Variants in NAALADL2 observed in about 807,000 individuals in gnomAD.
NAALADL2 encodes the protein inactive N-acetylated-alpha-linked acidic dipeptidase-like protein 2.
Under a neutral mutation model 87.2 loss-of-function variants are expected in NAALADL2, and 76 were observed. The ratio of observed to expected loss-of-function variants is 0.87; its 90% CI spans 0.72 to 1.05. The LOEUF (loss-of-function observed/expected upper bound fraction) is 1.05, where lower values mean the gene tolerates loss of function less well. NAALADL2 is among the 50% of genes least tolerant of loss of function. The pLI, the probability that NAALADL2 is intolerant of heterozygous loss-of-function variation, is 0.00. For synonymous variants in NAALADL2, 354 were observed against 331.0 expected, an observed-to-expected ratio of 1.07 and a Z score of -0.75; for missense variants, 1,089 against 945.8, an observed-to-expected ratio of 1.15 and a Z score of -1.99.
intron 1 of NAALADL2, among the ~76,000 whole-genome samples, chr3:174,981,732 T>A (rs1013116737): frequency 2.6e-5 from 4 of 152,174 alleles, no homozygotes; most frequent in Non-Finnish European, 5.9e-5. Context: ...TAAAAAGTTC[T>A]GAAATTAGGC....
chr3:174,820,033 C>A (rs1395337415), intron 3 of NAALADL2, among the ~76,000 whole-genome samples: 1 of 152,054 alleles, frequency 6.6e-6, no homozygotes, highest in Non-Finnish European at 1.5e-5. Context: ...GTTTGGAATG[C>A]ACTTAGTTTG....
intron 2 of NAALADL2, among the ~76,000 whole-genome samples, chr3:175,199,393 T>C (rs749346770): frequency 7.2e-5 from 11 of 152,134 alleles, no homozygotes; most frequent in Non-Finnish European, 1.2e-4. Flanking sequence ...CTGCTACTTC[T>C]TGATACCATG....
At chr3:175,010,462 T>C (rs574116728) in intron 1 of NAALADL2, among the ~76,000 whole-genome samples, 4 of 152,280 alleles carry the variant, frequency 2.6e-5, no homozygotes, top group Non-Finnish European at 5.9e-5. Context: ...ACCATCTTGC[T>C]TCTGTGTTAC....
chr3:174,667,776 T>C (rs1726114202), intron 2 of NAALADL2, among the ~76,000 whole-genome samples: 1 of 151,974 alleles, frequency 6.6e-6, no homozygotes, highest in African/African-American at 2.4e-5. Flanking sequence ...AAGGTTATAA[T>C]TGTATTTCTA....
intron 1 of NAALADL2, among the ~76,000 whole-genome samples, chr3:175,094,319 C>A (rs1473427099): frequency 6.6e-6 from 1 of 151,936 alleles, no homozygotes; most frequent in Non-Finnish European, 1.5e-5. Flanking sequence ...AAAAAATTGA[C>A]TGGTGCTAGG....
chr3:175,384,346 T>G (rs999486889), intron 5 of NAALADL2, among the ~76,000 whole-genome samples: 3 of 152,096 alleles, frequency 2.0e-5, no homozygotes, highest in African/African-American at 7.2e-5. Context: ...GACACAGATT[T>G]TGTATTCATT....
chr3:174,655,876 T>A (rs1181305094), intron 2 of NAALADL2, among the ~76,000 whole-genome samples: 1 of 152,188 alleles, frequency 6.6e-6, no homozygotes, highest in African/African-American at 2.4e-5. Context: ...ATCAGAACAT[T>A]GCCTATTATC....
At chr3:174,501,947 T>C (rs1358852382) in intron 1 of NAALADL2, among the ~76,000 whole-genome samples, 1 of 152,120 alleles carries the variant, frequency 6.6e-6, no homozygotes, top group Non-Finnish European at 1.5e-5. Context: ...TAATTTTCTG[T>C]TCTTTTTCTC....
At chr3:175,242,391 G>A (rs1192514705) in intron 3 of NAALADL2, 8 of 152,130 alleles carry the variant, frequency 5.3e-5, no homozygotes, top group African/African-American at 1.7e-4. Flanking sequence ...CCTCATTTCA[G>A]CAGATGCTGC....
intron 2 of NAALADL2, among the ~76,000 whole-genome samples, chr3:174,646,746 ATTTAT>A (rs560711659): frequency 5.3e-5 from 8 of 152,266 alleles, no homozygotes; most frequent in African/African-American, 1.7e-4. Flanking sequence ...GAAAGCAAAT[ATTTAT>A]TTTATAGATG....
intron 9 of NAALADL2, among the ~76,000 whole-genome samples, chr3:175,480,867 C>T (rs575946116): frequency 6.6e-6 from 1 of 151,970 alleles, no homozygotes; most frequent in African/African-American, 2.4e-5. Flanking sequence ...TAGAAAATAG[C>T]TCCTTGAGAA....
intron 10 of NAALADL2, among the ~76,000 whole-genome samples, chr3:175,603,823 C>T (rs1384451806): frequency 2.0e-5 from 3 of 151,596 alleles, no homozygotes; most frequent in African/African-American, 7.3e-5. Flanking sequence ...AAGACCCCAT[C>T]TATAAAAAAA....
chr3:174,949,356 C>A (rs928059743), intron 1 of NAALADL2, among the ~76,000 whole-genome samples: 17 of 152,260 alleles, frequency 1.1e-4, no homozygotes, highest in Admixed American at 9.8e-4. Flanking sequence ...CATAATATCA[C>A]TTCTGCCATG....
intron 10 of NAALADL2, among the ~76,000 whole-genome samples, chr3:175,599,685 C>A (rs1354388892): frequency 2.0e-5 from 3 of 152,070 alleles, no homozygotes; most frequent in Non-Finnish European, 4.4e-5. Context: ...TAAATACAAT[C>A]ATTTTCCAGT....
intron 1 of NAALADL2, among the ~76,000 whole-genome samples, chr3:174,883,748 C>T (rs1407553906): frequency 6.6e-6 from 1 of 152,150 alleles, no homozygotes; most frequent in African/African-American, 2.4e-5. Context: ...CAGCAAGCAC[C>T]TCAGCAGGTT....
chr3:175,352,965 T>C (rs955343292), intron 5 of NAALADL2, among the ~76,000 whole-genome samples: 1 of 152,138 alleles, frequency 6.6e-6, no homozygotes, highest in African/African-American at 2.4e-5. Context: ...CATTATTTCT[T>C]CAGCTATTGT....
chr3:174,483,929 A>T (rs549419678), intron 1 of NAALADL2, among the ~76,000 whole-genome samples: 2 of 152,196 alleles, frequency 1.3e-5, no homozygotes, highest in East Asian at 3.9e-4. Context: ...GAGACTAGAA[A>T]AAAACAATAA....
At chr3:174,443,569 C>G (rs1037928268) in intron 1 of NAALADL2, among the ~76,000 whole-genome samples, 1 of 152,064 alleles carries the variant, frequency 6.6e-6, no homozygotes, top group African/African-American at 2.4e-5. Flanking sequence ...GCTGGAAGAC[C>G]AAGCTAATGG....
At chr3:174,844,012 T>C (rs529428180) in intron 3 of NAALADL2, among the ~76,000 whole-genome samples, 32 of 152,306 alleles carry the variant, frequency 2.1e-4, no homozygotes, top group African/African-American at 7.5e-4. Flanking sequence ...GCAAAAGCTT[T>C]TCAGTTTGAT....
Sources: gnomAD v4.1 joint callset for allele counts (sites outside exome capture counted in the v4.1 genomes callset) on GRCh38, gnomAD v4.1.1 for gene constraint, MANE v1.5 for transcripts, NCBI Gene and HGNC (gene_info 2026-07-23, HGNC 2026-07-21) for gene names.